The following DLG2 variants were observed in gnomAD, a reference collection of about 807,000 sequenced individuals.
DLG2 encodes the protein disks large homolog 2.
A neutral mutation model predicts 132.5 loss-of-function variants in DLG2; 45 were observed. The observed-to-expected ratio is 0.34, with a 90% CI of 0.27 to 0.44. The LOEUF (loss-of-function observed/expected upper bound fraction) is 0.44, where lower values mean the gene tolerates loss of function less well. DLG2 is among the 20% of genes least tolerant of loss of function. The pLI is 1.00. For synonymous variants in DLG2, 424 were observed against 419.6 expected (o/e 1.01, Z -0.13); for missense variants, 1,045 against 1,196.9 (o/e 0.87, Z 1.87).
At chr11:83,919,397 A>C (rs1331783574) in intron 15 of DLG2, among the ~76,000 whole-genome samples, 3 of 152,202 alleles carry the variant, frequency 2.0e-5, no homozygotes, top group Non-Finnish European at 4.4e-5. Context: ...CCCAGCATTC[A>C]ATAAATACAA....
intron 6 of DLG2, among the ~76,000 whole-genome samples, chr11:84,746,911 G>A (rs993436431): frequency 1.1e-4 from 16 of 152,132 alleles, no homozygotes; most frequent in Non-Finnish European, 1.6e-4. Flanking sequence ...GCAACAAGGA[G>A]GTTGGCATAT....
intron 8 of DLG2, among the ~76,000 whole-genome samples, chr11:84,172,789 G>T (rs1328660184): frequency 7.2e-5 from 11 of 151,968 alleles, no homozygotes; most frequent in Admixed American, 7.2e-4. Context: ...TGATCCAACC[G>T]CCTTGGCCTC....
intron 16 of DLG2, among the ~76,000 whole-genome samples, chr11:83,851,841 C>T (rs2059831621): frequency 6.6e-6 from 1 of 151,836 alleles, no homozygotes; most frequent in African/African-American, 2.4e-5. Flanking sequence ...ATTGCTTGAA[C>T]CCAGGAGGCG....
chr11:83,935,645 G>A (rs970816236), intron 14 of DLG2, among the ~76,000 whole-genome samples: 1 of 152,072 alleles, frequency 6.6e-6, no homozygotes. Context: ...AATTTCCACG[G>A]GGGCAGTTGG....
At chr11:84,663,248 T>C (rs1363448149) in intron 6 of DLG2, among the ~76,000 whole-genome samples, 1 of 123,310 alleles carries the variant, frequency 8.1e-6, no homozygotes, top group Non-Finnish European at 1.7e-5. Flanking sequence ...TATATATATA[T>C]ATTTTTTTTT....
chr11:85,324,523 T>C (rs514639), intron 3 of DLG2, among the ~76,000 whole-genome samples: 124,920 of 152,066 alleles, frequency 0.82, 51,747 homozygotes, highest in Middle Eastern at 0.9. Flanking sequence ...CTGGTATTAT[T>C]AAACTTTCGG....
At chr11:84,921,499 T>C (rs565715934) in intron 6 of DLG2, among the ~76,000 whole-genome samples, 74 of 152,208 alleles carry the variant, frequency 4.9e-4, no homozygotes, top group African/African-American at 1.7e-3. Flanking sequence ...TGAATTTAAA[T>C]GAGAAAAATG....
intron 6 of DLG2, among the ~76,000 whole-genome samples, chr11:84,574,025 C>CA (rs1389558487): frequency 6.6e-6 from 1 of 152,098 alleles, no homozygotes; most frequent in Non-Finnish European, 1.5e-5. Context: ...TAGGGAGGGG[C>CA]AAAACTTGTT....
At chr11:83,532,874 C>A in intron 20 of DLG2, 91 bp from the exon 21 acceptor site, 2 of 1,031,090 alleles carry the variant, frequency 1.9e-6, no homozygotes, top group Admixed American at 2.2e-5. Context: ...TTCCTCCTAT[C>A]CTTGAAGCTC....
At chr11:84,153,266 T>G (rs1382048018) in intron 9 of DLG2, among the ~76,000 whole-genome samples, 1 of 152,204 alleles carries the variant, frequency 6.6e-6, no homozygotes, top group East Asian at 1.9e-4. Flanking sequence ...TAGGTGCCTG[T>G]AAGATTTTTT....
chr11:84,820,803 T>C (rs532858193), intron 6 of DLG2, among the ~76,000 whole-genome samples: 1 of 151,994 alleles, frequency 6.6e-6, no homozygotes, highest in African/African-American at 2.4e-5. Flanking sequence ...TATGGGATTT[T>C]CACATAGAAT....
intron 6 of DLG2, among the ~76,000 whole-genome samples, chr11:84,680,710 C>G (rs746076609): frequency 6.6e-6 from 1 of 152,164 alleles, no homozygotes; most frequent in Non-Finnish European, 1.5e-5. Context: ...AAGGTAGCCT[C>G]TCCATAGAGC....
chr11:84,352,631 AT>A (rs2098584883), intron 7 of DLG2, among the ~76,000 whole-genome samples: 2 of 152,156 alleles, frequency 1.3e-5, no homozygotes, highest in Admixed American at 1.3e-4. Flanking sequence ...ATTGTTGCTT[AT>A]CTGCTGGCTC....
At chr11:85,559,431 G>A (rs940903651) in intron 3 of DLG2, among the ~76,000 whole-genome samples, 1 of 151,590 alleles carries the variant, frequency 6.6e-6, no homozygotes, top group Admixed American at 6.6e-5. Context: ...TTATAGGCAT[G>A]AGCCACTGCG....
At chr11:84,668,771 C>T (rs1271605113) in intron 6 of DLG2, among the ~76,000 whole-genome samples, 1 of 152,184 alleles carries the variant, frequency 6.6e-6, no homozygotes, top group Non-Finnish European at 1.5e-5. Flanking sequence ...TGCATTTCCA[C>T]ATCCAATTGT....
In DLG2 at chr11:83,797,550, T is replaced by A. The variant is rs191366919; in HGVS notation, c.1723-10758A>T. On this transcript the variant is annotated intron_variant, in intron 17 of 27. Transcript: ENST00000376104. Reference sequence around the variant, plus strand: ...TTTTTGTTTTTTGAGACAAAATCTCTCTCTTTTCTCCCAGACTGGAGTGCA... The same window carrying A: ...TTTTTGTTTTTTGAGACAAAATCTCACTCTTTTCTCCCAGACTGGAGTGCA... Among the ~76,000 whole-genome samples, 69 of 152,160 alleles carry A rather than the reference T, an allele frequency of 4.5e-4. 1 individual carries two copies. The highest frequency in any genetic ancestry group is 1.6e-3 in the African/African-American group (68 of 41,528).
intron 4 of DLG2, among the ~76,000 whole-genome samples, chr11:85,206,125 C>T (rs2081874442): frequency 6.6e-6 from 1 of 152,038 alleles, no homozygotes; most frequent in African/African-American, 2.4e-5. Context: ...GTGTGTGGCA[C>T]CTCCCTGATC....
intron 5 of DLG2, among the ~76,000 whole-genome samples, chr11:85,128,654 C>T (rs2075391625): frequency 1.3e-5 from 2 of 152,150 alleles, no homozygotes; most frequent in South Asian, 4.1e-4. Context: ...ATCATGTAAA[C>T]TCATGGCTCT....
rs574127016 is a variant in DLG2 at position 84,333,951 on chromosome 11, G to A, written c.520-82660C>T. Among the ~76,000 whole-genome samples the A allele has an allele frequency of 1.5e-4, 23 of 152,326 alleles. 1 individual carries two copies. In the South Asian group the frequency reaches 4.4e-3, roughly 29 times the overall value. ...TAAGTTGAAGACGTGAGTGTCATGT[G>A]TCAGAGGTGGTAGGCCAGAGGGTGA... On this transcript the variant is annotated intron_variant, in intron 7 of 27. Coordinates refer to ENST00000376104, the MANE Select transcript of DLG2 (RefSeq NM_001142699.3).
Sources: gnomAD v4.1 joint callset for allele counts (sites outside exome capture counted in the v4.1 genomes callset) on GRCh38, gnomAD v4.1.1 for gene constraint, MANE v1.5 for transcripts, NCBI Gene and HGNC (gene_info 2026-07-23, HGNC 2026-07-21) for gene names.